ARHGEF26: variants seen among roughly 807,000 people sequenced by gnomAD.
ARHGEF26 encodes the protein Rho guanine nucleotide exchange factor (GEF) 26.
A neutral mutation model predicts 89.4 loss-of-function variants in ARHGEF26; 59 were observed. The observed-to-expected ratio is 0.66, with a 90% CI of 0.54 to 0.82. ARHGEF26 has a LOEUF of 0.82. Ranked by LOEUF, ARHGEF26 falls within the 40% of genes least tolerant of loss-of-function variation. The pLI is 0.00. For missense variants in ARHGEF26, 1,234 were observed against 1,085.6 expected (o/e 1.14, Z -1.92); for synonymous variants, 500 against 428.4 (o/e 1.17, Z -2.06).
At chr3:154,149,629 A>C (rs1719898450) in intron 5 of ARHGEF26, among the ~76,000 whole-genome samples, 184 bp downstream of exon 5, 1 of 152,220 alleles carries the variant, frequency 6.6e-6, no homozygotes, top group Non-Finnish European at 1.5e-5. Flanking sequence ...AAAAGAAAAA[A>C]TTTTAAATAT....
rs1559920373 is a variant in ARHGEF26 at position 154,239,260 on chromosome 3, G to GA, written c.2091-1110_2091-1109insA. Among the ~76,000 whole-genome samples the GA allele has an allele frequency of 1.6e-3, 186 of 115,854 alleles. 4 individuals are homozygous for GA. Among genetic ancestry groups the GA allele is most frequent in the African/African-American group, 7.0e-3 (179 of 25,398 alleles). 76.0% of individuals were successfully genotyped at this position (115,854 alleles called of 152,430 possible). On this transcript the variant is annotated intron_variant, in intron 11 of 14. Coordinates refer to ENST00000465093, the MANE Select transcript of ARHGEF26 (RefSeq NM_015595.4). ...TTGATGTAAATGACCGAGAGAGAGA[G>GA]GGAGAGAGAGAGAGAGAGAGAGAGA... is the stretch of plus-strand genomic sequence containing the variant.
chr3:154,215,412 C>A (rs1417721165), intron 9 of ARHGEF26, among the ~76,000 whole-genome samples: 1 of 147,594 alleles, frequency 6.8e-6, no homozygotes, highest in East Asian at 2.0e-4. Flanking sequence ...TTTTTTTTTG[C>A]CTTTTGTCTG....
intron 6 of ARHGEF26, among the ~76,000 whole-genome samples, chr3:154,162,167 T>TTTTGAACCA (rs1379995267): frequency 6.6e-6 from 1 of 152,172 alleles, no homozygotes; most frequent in Non-Finnish European, 1.5e-5. Flanking sequence ...TAGCTGTGGA[T>TTTTGAACCA]TTTGAACCAT....
chr3:154,234,485 G>A (rs1444876836), intron 11 of ARHGEF26, among the ~76,000 whole-genome samples: 1 of 152,192 alleles, frequency 6.6e-6, no homozygotes, highest in Non-Finnish European at 1.5e-5. Context: ...TATGTACCCA[G>A]AGCTTGGGTC....
At chr3:154,183,649 TAGAA>T (rs1427292295) in intron 6 of ARHGEF26, among the ~76,000 whole-genome samples, 6 of 152,220 alleles carry the variant, frequency 3.9e-5, no homozygotes, top group African/African-American at 1.4e-4. Context: ...TCATTTAACA[TAGAA>T]AGCTTTAAAT....
intron 4 of ARHGEF26, among the ~76,000 whole-genome samples, chr3:154,133,465 G>T (rs1718809851): frequency 6.6e-6 from 1 of 151,472 alleles, no homozygotes; most frequent in Non-Finnish European, 1.5e-5. Context: ...AAGAAATAAG[G>T]CTGCACACCT....
intron 4 of ARHGEF26, among the ~76,000 whole-genome samples, chr3:154,136,202 T>G (rs1718990508): frequency 1.3e-5 from 1 of 79,440 alleles, no homozygotes. Context: ...TCAGAAATGG[T>G]TTGATTTCTT....
At chr3:154,140,332 G>GCCAGGAGA (rs1318801030) in intron 4 of ARHGEF26, among the ~76,000 whole-genome samples, 2 of 152,170 alleles carry the variant, frequency 1.3e-5, no homozygotes, top group African/African-American at 4.8e-5. Flanking sequence ...CAGCTGAGAG[G>GCCAGGAGA]CCAGGATGTT....
intron 6 of ARHGEF26, among the ~76,000 whole-genome samples, chr3:154,182,571 C>G (rs1477786837): frequency 6.6e-6 from 1 of 152,180 alleles, no homozygotes; most frequent in Non-Finnish European, 1.5e-5. Flanking sequence ...ATCTGCACTA[C>G]GTTGATTTGT....
chr3:154,253,304 C>CAGAA, intron 13 of ARHGEF26, 121 bp downstream of exon 13: 1 of 1,126,464 alleles, frequency 8.9e-7, no homozygotes, highest in East Asian at 2.5e-5. Flanking sequence ...CCAGGGCTTC[C>CAGAA]TTCTGCTTTA....
intron 2 of ARHGEF26, among the ~76,000 whole-genome samples, chr3:154,124,179 A>G (rs1380680239): frequency 6.6e-6 from 1 of 152,152 alleles, no homozygotes; most frequent in African/African-American, 2.4e-5. Context: ...ATCTGTTTTG[A>G]CAGGGTGTGG....
chr3:154,193,823 C>T (rs748091427), intron 8 of ARHGEF26, among the ~76,000 whole-genome samples: 2 of 149,780 alleles, frequency 1.3e-5, no homozygotes, highest in African/African-American at 2.5e-5. Flanking sequence ...GGCTTTTTTT[C>T]CTTTGCTGGT....
At chr3:154,226,660 T>TACACACACACACACACACACACAC (rs3029724) in intron 11 of ARHGEF26, among the ~76,000 whole-genome samples, 4 of 148,160 alleles carry the variant, frequency 2.7e-5, no homozygotes, top group East Asian at 2.0e-4. Flanking sequence ...GTTTCTGTTC[T>TACACACACACACACACACACACAC]ACACACACAC....
intron 11 of ARHGEF26, among the ~76,000 whole-genome samples, chr3:154,235,590 AG>A (rs1717074255): frequency 6.6e-6 from 1 of 152,234 alleles, no homozygotes; most frequent in Non-Finnish European, 1.5e-5. Context: ...AGACACCTAG[AG>A]TGATGATAGC....
chr3:154,234,761 T>A (rs1418176661), intron 11 of ARHGEF26, among the ~76,000 whole-genome samples: 1 of 152,130 alleles, frequency 6.6e-6, no homozygotes, highest in Non-Finnish European at 1.5e-5. Context: ...TTTAATTTTT[T>A]AATTTTAATT....
At chr3:154,186,136 G>GACACACACACACACACACACACAC (rs60675240) in intron 6 of ARHGEF26, among the ~76,000 whole-genome samples, 26 of 147,036 alleles carry the variant, frequency 1.8e-4, no homozygotes, top group African/African-American at 6.3e-4. Context: ...CACACACTTA[G>GACACACACACACACACACACACAC]ACACACACAC....
intron 9 of ARHGEF26, 147 bp downstream of exon 9, chr3:154,194,865 TA>T (rs1714192998): frequency 1.5e-6 from 1 of 678,854 alleles, no homozygotes; most frequent in African/African-American, 1.8e-5. Flanking sequence ...AACAAAATCA[TA>T]TTTGCTATAC....
Position 154,256,983 on chromosome 3 carries a change from C to CTTTA in ARHGEF26, c.*1511_*1514dup, listed in dbSNP as rs1194403917. 2 of 1,519,950 alleles carry CTTTA rather than the reference C, an allele frequency of 1.3e-6. No homozygotes were observed. The highest frequency in any genetic ancestry group is 2.5e-5 in the East Asian group (1 of 40,202). The allele number at this position is 1,519,950 out of a possible 1,614,324, so 94.2% of individuals were successfully genotyped here. A position where few individuals can be genotyped will look rare whatever the true frequency, so the allele number is the denominator to read the frequency against. On this transcript the variant is annotated 3_prime_UTR_variant, in exon 15 of 15. Transcript: ENST00000465093. ...CTATATTCCCTCTCTGTTCTATTTG[C>CTTTA]TTTAACAAAGGGATAAAACCTGGCA... is the stretch of plus-strand genomic sequence containing the variant.
intron 6 of ARHGEF26, among the ~76,000 whole-genome samples, chr3:154,185,094 G>C (rs1713439496): frequency 6.6e-6 from 1 of 152,080 alleles, no homozygotes; most frequent in African/African-American, 2.4e-5. Context: ...TGGTCACTCT[G>C]CCCTCTGGAG....
Sources: gnomAD v4.1 joint callset for allele counts (sites outside exome capture counted in the v4.1 genomes callset) on GRCh38, gnomAD v4.1.1 for gene constraint, MANE v1.5 for transcripts, NCBI Gene and HGNC (gene_info 2026-07-23, HGNC 2026-07-21) for gene names.